The following DCK variants were observed in gnomAD, a reference collection of about 807,000 sequenced individuals.
DCK encodes deoxyadenosine kinase.
DCK carries 23 observed loss-of-function variants against 38.3 expected under a neutral mutation model. The observed-to-expected ratio is 0.60, with a 90% CI of 0.43 to 0.85. The LOEUF (loss-of-function observed/expected upper bound fraction) is 0.85, where lower values mean the gene tolerates loss of function less well. Ranked by LOEUF, DCK falls within the 40% of genes least tolerant of loss-of-function variation. DCK has a pLI of 0.00. For synonymous variants in DCK, 108 were observed against 100.6 expected, an observed-to-expected ratio of 1.07 and a Z score of -0.44; for missense variants, 259 against 304.4, an observed-to-expected ratio of 0.85 and a Z score of 1.11.
At chr4:71,007,334 T>C (rs1439252708) in intron 2 of DCK, among the ~76,000 whole-genome samples, 2 of 152,234 alleles carry the variant, frequency 1.3e-5, no homozygotes, top group Admixed American at 1.3e-4. Flanking sequence ...TAAAAGCTAA[T>C]GTACAGTTTG....
chr4:71,004,340 C>T (rs1411343417), intron 2 of DCK, among the ~76,000 whole-genome samples: 1 of 152,202 alleles, frequency 6.6e-6, no homozygotes, highest in Non-Finnish European at 1.5e-5. Flanking sequence ...AGCTTTGTCC[C>T]AGAGGGGCAC....
Position 71,022,050 on chromosome 4 carries a change from A to G in DCK, c.208-317A>G, listed in dbSNP as rs183539932. On this transcript the variant is annotated intron_variant, in intron 2 of 6. Coordinates refer to ENST00000286648, the MANE Select transcript of DCK (RefSeq NM_000788.3). ...AAATCCAAATATTTTATGTGAAATT[A>G]TTTAGCTTTTAAATATTGACAATAC... Among the ~76,000 whole-genome samples, 837 of 152,322 alleles carry G rather than the reference A, an allele frequency of 5.5e-3. 9 individuals carry two copies. Among genetic ancestry groups the G allele is most frequent in the Admixed American group, 9.5e-3 (145 of 15,292 alleles).
Position 70,993,819 on chromosome 4 carries a change from C to A in DCK, c.-17C>A, listed in dbSNP as rs1013636917. 1.3e-6 allele frequency: 2 copies of A among 1,597,668 alleles called. No homozygotes were observed. The highest frequency in any genetic ancestry group is 1.7e-6 in the Non-Finnish European group (2 of 1,166,556). On this transcript the variant is annotated 5_prime_UTR_variant, in exon 1 of 7. Coordinates refer to ENST00000286648, the MANE Select transcript of DCK (RefSeq NM_000788.3). ...CCTCTTTGCCGGACGAGCTCTGGGCCGCCACAAGACTAAGGAATGGCCACC... is the reference window on the plus strand; with the variant it reads ...CCTCTTTGCCGGACGAGCTCTGGGCAGCCACAAGACTAAGGAATGGCCACC...
chr4:71,015,343 C>T (rs1012491494), intron 2 of DCK, among the ~76,000 whole-genome samples: 1 of 152,214 alleles, frequency 6.6e-6, no homozygotes, highest in African/African-American at 2.4e-5. Flanking sequence ...CAGCCGAATT[C>T]TACCAGCAGT....
chr4:71,007,716 T>C (rs1392353254), intron 2 of DCK, among the ~76,000 whole-genome samples: 1 of 152,222 alleles, frequency 6.6e-6, no homozygotes, highest in Non-Finnish European at 1.5e-5. Flanking sequence ...TTTTGTTTTT[T>C]AAAAATATTC....
In DCK at chr4:71,022,541, C is replaced by T. The variant is rs779508607; in HGVS notation, c.382C>T (p.Arg128Ter). Residue 128 changes from arginine to a stop codon, truncating the protein, a stop_gained, in exon 3 of 7, where the codon CGA becomes TGA. Transcript: ENST00000286648. LOFTEE classifies it high-confidence loss of function. ...AGAGAAACCTGTATTATTTTTTGAA[C>T]GATCTGTGTATAGTGACAGGTATGT... ...DAEKPVLFFE[R>*]SVYSDRYIFA... 20 of 1,587,636 alleles carry T rather than the reference C, an allele frequency of 1.3e-5. No individual in the cohort carries two copies. Among genetic ancestry groups the T allele is most frequent in the East Asian group, 1.1e-4 (5 of 44,198 alleles).
intron 2 of DCK, among the ~76,000 whole-genome samples, chr4:71,006,035 A>G (rs1739930124): frequency 6.9e-6 from 1 of 144,276 alleles, no homozygotes; most frequent in South Asian, 2.4e-4. Flanking sequence ...CTGAGGCGGG[A>G]GAATTGCTTG....
chr4:71,016,038 C>T (rs1209358533), intron 2 of DCK, among the ~76,000 whole-genome samples: 30 of 152,160 alleles, frequency 2.0e-4, no homozygotes, highest in South Asian at 4.1e-4. Flanking sequence ...AAAACCCCAT[C>T]GTCTCAGCCC....
At position 70,993,842 on chromosome 4, in the gene DCK, AC is replaced by A; in HGVS notation, c.11del (p.Pro4ArgfsTer35). The A allele has an allele frequency of 6.2e-7, 1 of 1,613,040 alleles. No homozygotes were observed. The highest frequency in any genetic ancestry group is 1.1e-5 in the South Asian group (1 of 90,940). On this transcript the variant is annotated frameshift_variant, in exon 1 of 7. Transcript: ENST00000286648. LOFTEE classifies it high-confidence loss of function. ...GCCGCCACAAGACTAAGGAATGGCCACCCCGCCCAAGAGAAGCTGCCCGTCT... is the reference window on the plus strand; with the variant it reads ...GCCGCCACAAGACTAAGGAATGGCCACCCGCCCAAGAGAAGCTGCCCGTCT... MATPPKRSCPSFS... is the reference protein window; with the variant it reads MAXPPKRSCPSFS...
At chr4:70,995,702 A>G (rs978401191) in intron 1 of DCK, among the ~76,000 whole-genome samples, 1 of 152,190 alleles carries the variant, frequency 6.6e-6, no homozygotes. Flanking sequence ...TATTTCCTCA[A>G]AGCATCTTTA....
At chr4:71,014,721 A>G (rs1181116561) in intron 2 of DCK, among the ~76,000 whole-genome samples, 3 of 152,222 alleles carry the variant, frequency 2.0e-5, no homozygotes, top group Non-Finnish European at 2.9e-5. Context: ...TTTGAAACCA[A>G]TGAGAACAAA....
intron 2 of DCK, among the ~76,000 whole-genome samples, chr4:71,000,335 C>T (rs867302687): frequency 3.7e-4 from 56 of 152,080 alleles, no homozygotes; most frequent in South Asian, 1.5e-3. Flanking sequence ...TGGTTGTAGA[C>T]GTGTGGTATT....
chr4:70,997,609 T>C (rs908375133), intron 1 of DCK, among the ~76,000 whole-genome samples: 14 of 152,246 alleles, frequency 9.2e-5, no homozygotes, highest in African/African-American at 3.4e-4. Flanking sequence ...AAGTTCTTTC[T>C]ACTCCCCATG....
intron 4 of DCK, 52 bp from the exon 5 acceptor site, chr4:71,025,764 A>G (rs1740532833): frequency 3.9e-6 from 6 of 1,525,526 alleles, no homozygotes; most frequent in Non-Finnish European, 5.3e-6. Context: ...GGCAGCAGAC[A>G]AGAATAATTG....
Position 71,018,217 on chromosome 4 carries a change from C to T in DCK, c.208-4150C>T, listed in dbSNP as rs529932546. 3.9e-4 allele frequency among the ~76,000 whole-genome samples: 58 copies of T among 149,280 alleles called. No homozygotes were observed. In the East Asian group the frequency reaches 0.01, roughly 26 times the overall value. ...TCTCAACTTGCTGCAAGCTCCGCCT[C>T]CCAGGTTCACATCATTCTTGTGCCT... On this transcript the variant is annotated intron_variant, in intron 2 of 6. Coordinates refer to ENST00000286648, the MANE Select transcript of DCK (RefSeq NM_000788.3).
intron 2 of DCK, among the ~76,000 whole-genome samples, chr4:71,001,713 G>T (rs1475165970): frequency 6.6e-6 from 1 of 152,148 alleles, no homozygotes; most frequent in Non-Finnish European, 1.5e-5. Flanking sequence ...TTAATCTTGG[G>T]AGGGCGTATG....
chr4:71,009,096 C>G (rs1439772053), intron 2 of DCK, among the ~76,000 whole-genome samples: 2 of 152,056 alleles, frequency 1.3e-5, no homozygotes, highest in Non-Finnish European at 2.9e-5. Flanking sequence ...TGATGGACAC[C>G]CTGAATGATT....
At chr4:71,011,649 T>C (rs1740094680) in intron 2 of DCK, among the ~76,000 whole-genome samples, 2 of 152,218 alleles carry the variant, frequency 1.3e-5, no homozygotes, top group African/African-American at 4.8e-5. Context: ...TGAGTCACCA[T>C]GCCTGGCCTG....
intron 2 of DCK, among the ~76,000 whole-genome samples, chr4:71,001,537 T>C (rs749359397): frequency 6.6e-6 from 1 of 152,162 alleles, no homozygotes; most frequent in African/African-American, 2.4e-5. Context: ...CTTTTTCTAT[T>C]GTTTGGAAGT....
Sources: allele counts gnomAD v4.1 joint callset (sites outside exome capture counted in the v4.1 genomes callset), GRCh38; gene constraint gnomAD v4.1.1; transcripts MANE v1.5; gene names NCBI Gene and HGNC (gene_info 2026-07-23, HGNC 2026-07-21).